Variants in ULK4 observed in about 807,000 individuals in gnomAD.
ULK4 encodes unc-51 like kinase 4, also known as inactive serine/threonine-protein kinase ULK4.
ULK4 carries 133 observed loss-of-function variants against 160.6 expected under a neutral mutation model. The ratio of observed to expected loss-of-function variants is 0.83; its 90% confidence interval spans 0.72 to 0.96. The LOEUF is 0.96. Ranked by LOEUF, ULK4 falls within the 40% of genes least tolerant of loss-of-function variation. ULK4 has a pLI of 0.00. For synonymous variants in ULK4, 534 were observed against 539.8 expected (o/e 0.99, Z 0.15); for missense variants, 1,580 against 1,499.5 (o/e 1.05, Z -0.89).
At chr3:41,555,118 A>G (rs1247260353) in intron 32 of ULK4, among the ~76,000 whole-genome samples, 2 of 152,172 alleles carry the variant, frequency 1.3e-5, no homozygotes, top group African/African-American at 4.8e-5. Context: ...ATTAATAGGT[A>G]AAAACATAAA....
chr3:41,703,302 T>G (rs779720136), intron 27 of ULK4, among the ~76,000 whole-genome samples: 10 of 152,102 alleles, frequency 6.6e-5, no homozygotes, highest in Non-Finnish European at 1.3e-4. Flanking sequence ...AAACCAAGAC[T>G]TGATGAATTT....
At chr3:41,671,356 G>A (rs1276319904) in intron 29 of ULK4, among the ~76,000 whole-genome samples, 3 of 152,128 alleles carry the variant, frequency 2.0e-5, no homozygotes, top group Non-Finnish European at 4.4e-5. Context: ...CAAAGTTATA[G>A]TAACCAAAAC....
chr3:41,885,370 T>C (rs7611195), intron 16 of ULK4, among the ~76,000 whole-genome samples: 6,503 of 152,294 alleles, frequency 0.043, 432 homozygotes, highest in African/African-American at 0.15. Flanking sequence ...AAATCACTTA[T>C]GAATATTCAC....
chr3:41,540,403 T>C (rs181128176), intron 32 of ULK4, among the ~76,000 whole-genome samples: 1 of 152,346 alleles, frequency 6.6e-6, no homozygotes, highest in East Asian at 1.9e-4. Flanking sequence ...TTCTATAGTG[T>C]ATATGTGCCA....
At chr3:41,695,293 A>G (rs2036454559) in intron 27 of ULK4, among the ~76,000 whole-genome samples, 1 of 152,244 alleles carries the variant, frequency 6.6e-6, no homozygotes. Context: ...ATACATGCTT[A>G]TATTTCCTAA....
At chr3:41,316,832 CA>C (rs2080151057) in intron 35 of ULK4, among the ~76,000 whole-genome samples, 1 of 152,196 alleles carries the variant, frequency 6.6e-6, no homozygotes, top group Admixed American at 6.5e-5. Context: ...GGTTCACCAC[CA>C]TATATGTTGG....
intron 17 of ULK4, 43 bp downstream of exon 17, chr3:41,883,831 T>A (rs748953483): frequency 2.7e-6 from 4 of 1,478,270 alleles, no homozygotes; most frequent in Non-Finnish European, 3.8e-6. Context: ...TCAAGAACAG[T>A]ATTTCTTGAC....
chr3:41,496,590 A>T (rs1209228054), intron 32 of ULK4, among the ~76,000 whole-genome samples: 2 of 152,054 alleles, frequency 1.3e-5, no homozygotes, highest in Non-Finnish European at 2.9e-5. Context: ...GTAGAGTAAT[A>T]AAGAAAATGG....
intron 27 of ULK4, among the ~76,000 whole-genome samples, chr3:41,692,061 C>G (rs943104176): frequency 1.3e-5 from 2 of 148,538 alleles, no homozygotes; most frequent in Non-Finnish European, 3.0e-5. Flanking sequence ...ACGCCATTCT[C>G]CTGCCTCAGC....
chr3:41,820,511 T>C (rs188574449), intron 18 of ULK4, among the ~76,000 whole-genome samples: 2 of 152,282 alleles, frequency 1.3e-5, no homozygotes, highest in East Asian at 1.9e-4. Context: ...GCCATTATCC[T>C]AAGCAAATTG....
At chr3:41,725,388 T>C (rs1285123287) in intron 22 of ULK4, among the ~76,000 whole-genome samples, 7 of 152,226 alleles carry the variant, frequency 4.6e-5, no homozygotes, top group Admixed American at 4.6e-4. Flanking sequence ...TGTTTTCCTC[T>C]ATATCTCTCC....
chr3:41,522,129 C>CTTTTT (rs57720185), intron 32 of ULK4, among the ~76,000 whole-genome samples: 1 of 135,956 alleles, frequency 7.4e-6, no homozygotes, highest in African/African-American at 2.8e-5. Flanking sequence ...TCTTTTTTTT[C>CTTTTT]TTTTTTTTTT....
chr3:41,878,326 T>C (rs879592766), intron 17 of ULK4, among the ~76,000 whole-genome samples: 21 of 152,164 alleles, frequency 1.4e-4, no homozygotes, highest in Non-Finnish European at 2.6e-4. Context: ...TGAAACAATG[T>C]AAGCATCAAA....
chr3:41,731,433 A>C lies in ULK4; in HGVS notation c.2322-13572T>G, dbSNP rs147626784. Among the ~76,000 whole-genome samples, 5 of 152,192 alleles carry C rather than the reference A, an allele frequency of 3.3e-5. No homozygotes were observed. The East Asian group carries it at 9.6e-4, about 29-fold the overall frequency. On this transcript the variant is annotated intron_variant, in intron 22 of 36. Transcript: ENST00000301831. ...TAATATGTTTAGTCAAGGAGGTGAA[A>C]GCCCTCTACAAGAAAAACTATGTAA...
intron 35 of ULK4, among the ~76,000 whole-genome samples, chr3:41,395,390 A>G (rs2082037054): frequency 6.6e-6 from 1 of 152,176 alleles, no homozygotes; most frequent in Non-Finnish European, 1.5e-5. Context: ...ATGTCCATCA[A>G]TGGATAACAC....
intron 34 of ULK4, among the ~76,000 whole-genome samples, chr3:41,420,124 A>G (rs928669586): frequency 6.6e-6 from 1 of 152,116 alleles, no homozygotes; most frequent in African/African-American, 2.4e-5. Context: ...AGGAAAAAAA[A>G]AGAGTAACAA....
chr3:41,662,443 C>G (rs763011298), intron 30 of ULK4, among the ~76,000 whole-genome samples: 1 of 152,204 alleles, frequency 6.6e-6, no homozygotes, highest in Non-Finnish European at 1.5e-5. Flanking sequence ...ACCAGTGACT[C>G]AGTCACGGCA....
chr3:41,860,100 G>T (rs1336467665), intron 17 of ULK4, among the ~76,000 whole-genome samples: 1 of 152,096 alleles, frequency 6.6e-6, no homozygotes, highest in South Asian at 2.1e-4. Context: ...AAAGAGGCTT[G>T]ATATTATTTC....
At chr3:41,831,531 A>ATATATTTTT in intron 18 of ULK4, among the ~76,000 whole-genome samples, 18 of 138,066 alleles carry the variant, frequency 1.3e-4, no homozygotes, top group African/African-American at 4.8e-4. Context: ...ATATATATAT[A>ATATATTTTT]TTTTTTTTTC....
Sources: gnomAD v4.1 joint callset for allele counts (sites outside exome capture counted in the v4.1 genomes callset) on GRCh38, gnomAD v4.1.1 for gene constraint, MANE v1.5 for transcripts, NCBI Gene and HGNC (gene_info 2026-07-23, HGNC 2026-07-21) for gene names.